The following FCAMR variants were observed in gnomAD, a reference collection of about 807,000 sequenced individuals.
FCAMR encodes Fc alpha and mu receptor.
Under a neutral mutation model 52.2 loss-of-function variants are expected in FCAMR, and 51 were observed. That is an observed-to-expected ratio of 0.98 (90% confidence interval 0.78 to 1.23). The LOEUF is 1.23. Ranked by LOEUF, FCAMR falls within the 50% of genes most tolerant of loss-of-function variation. The probability of loss-of-function intolerance (pLI) is 0.00; values close to 1 mark genes in which losing one functional copy is unlikely to be tolerated. For synonymous variants in FCAMR, 282 were observed against 262.0 expected, an observed-to-expected ratio of 1.08 and a Z score of -0.74; for missense variants, 719 against 712.6, an observed-to-expected ratio of 1.01 and a Z score of -0.10.
In FCAMR at chr1:206,960,585, G is replaced by A. The variant is rs1484589354; in HGVS notation, c.1291C>T (p.Pro431Ser). Residue 431 changes from proline to serine, a missense_variant, in exon 6 of 8, where the codon CCA becomes TCA. Physicochemically the swap from Pro to Ser is moderately conservative, Grantham distance 74. Transcript: ENST00000324852. ...PAADVWILGT[P>S]AADVWTSMEA... is the part of the protein sequence containing the mutation. ...ATGCTGGTCCACACATCTGCAGCTG[G>A]AGTTCCCAAGATCCACACATCTGCA... is the stretch of plus-strand genomic sequence containing the variant. The A allele has an allele frequency of 1.3e-6, 2 of 1,550,666 alleles. 1 individual carries two copies. Among genetic ancestry groups the A allele is most frequent in the East Asian group, 4.9e-5 (2 of 40,854 alleles).
intron 1 of FCAMR, 114 bp from the exon 2 acceptor site, chr1:206,967,765 G>A (rs372661577): frequency 3.3e-6 from 3 of 896,002 alleles, no homozygotes; most frequent in Admixed American, 2.0e-5. Flanking sequence ...GTAGCTCTCT[G>A]CACTAGGGTG....
At chr1:206,967,016 TG>T (rs1680741294) in intron 3 of FCAMR, 35 bp downstream of exon 3, 1 of 1,610,372 alleles carries the variant, frequency 6.2e-7, no homozygotes, top group Non-Finnish European at 8.5e-7. Context: ...GGTCTGGTTT[TG>T]TAAGCCCTGA....
intron 1 of FCAMR, among the ~76,000 whole-genome samples, chr1:206,968,251 A>G (rs1477937886): frequency 6.6e-6 from 1 of 152,190 alleles, no homozygotes. Flanking sequence ...AGGCAGTAGA[A>G]TTGCTTGAAC....
At position 206,959,709 on chromosome 1, in the gene FCAMR, A is replaced by G. The variant is rs778058730; in HGVS notation, c.1543T>C (p.Leu515=). 6.2e-7 allele frequency: 1 copy of G among 1,614,056 alleles called. No homozygotes were observed. Among genetic ancestry groups the G allele is most frequent in the South Asian group, 1.1e-5 (1 of 91,084 alleles). ...ALFMLMALVL[L]QRKLWRRRTS... ...CTCCTTCTCCAGAGCTTCCTTTGCA[A>G]TAGAACCAGAGCCATAAGCATAAAC... The change falls in exon 7 of 8, where the codon TTG becomes CTG. Residue 515 remains leucine (L), a synonymous_variant. Transcript: ENST00000324852.
At chr1:206,966,910 T>G in intron 3 of FCAMR, 142 bp downstream of exon 3, 1 of 714,626 alleles carries the variant, frequency 1.4e-6, no homozygotes, top group Non-Finnish European at 2.4e-6. Flanking sequence ...TACTACAGCA[T>G]GGAGATGGAG....
Position 206,958,475 on chromosome 1 carries a change from T to C in FCAMR, c.*41A>G. 6.4e-7 allele frequency: 1 copy of C among 1,568,892 alleles called. No homozygotes were observed. The highest frequency in any genetic ancestry group is 8.6e-7 in the Non-Finnish European group (1 of 1,156,308). On this transcript the variant is annotated 3_prime_UTR_variant, in exon 8 of 8. Coordinates refer to ENST00000324852, the MANE Select transcript of FCAMR (RefSeq NM_001170631.2). ...GGGTCCTGAAGGCCTTTGATCTTGG[T>C]CCTTCTCCCATGGTAACTGAGCAGT... is the stretch of plus-strand genomic sequence containing the variant.
intron 6 of FCAMR, chr1:206,960,030 G>A (rs1259401677): frequency 5.8e-6 from 3 of 512,842 alleles, no homozygotes; most frequent in East Asian, 3.3e-5. Context: ...TGGGCCCTGC[G>A]ATGCCTCCCA....
intron 1 of FCAMR, among the ~76,000 whole-genome samples, chr1:206,969,736 C>A (rs937839566): frequency 2.0e-5 from 3 of 152,224 alleles, no homozygotes; most frequent in Non-Finnish European, 4.4e-5. Context: ...GGAGGGGCTG[C>A]AGCAGCCTCA....
intron 7 of FCAMR, 41 bp downstream of exon 7, chr1:206,959,638 A>G (rs1055374878): frequency 5.2e-6 from 8 of 1,539,290 alleles, no homozygotes; most frequent in Non-Finnish European, 7.2e-6. Context: ...TCAGGTGGGA[A>G]CCAGAACTCT....
At position 206,960,567 on chromosome 1, in the gene FCAMR, T is replaced by A; in HGVS notation, c.1309A>T (p.Thr437Ser). The A allele has an allele frequency of 6.4e-7, 1 of 1,551,724 alleles. No homozygotes were observed. Among genetic ancestry groups the A allele is most frequent in the South Asian group, 1.2e-5 (1 of 84,046 alleles). The change falls in exon 6 of 8, where the codon ACC becomes TCC. Residue 437 changes from threonine (T) to serine (S), a missense_variant. Transcript: ENST00000324852. The part of the protein sequence containing the change: ...ILGTPAADVW[T>S]SMEAASGEGS... ...TCCCCAGATGCTGCCTCCATGCTGGTCCACACATCTGCAGCTGGAGTTCCC... is the reference window on the plus strand; with the variant it reads ...TCCCCAGATGCTGCCTCCATGCTGGACCACACATCTGCAGCTGGAGTTCCC...
At position 206,965,847 on chromosome 1, in the gene FCAMR, C is replaced by T. The variant is rs747848205; in HGVS notation, c.181G>A (p.Ala61Thr). 2.5e-5 allele frequency: 40 copies of T among 1,605,700 alleles called. No individual in the cohort carries two copies. Among genetic ancestry groups the T allele is most frequent in the African/African-American group, 4.0e-5 (3 of 74,136 alleles). Reference protein sequence around the residue: ...ILCLLQGSSFALPQKRPHPRW... With the variant: ...ILCLLQGSSFTLPQKRPHPRW... Reference sequence around the variant, plus strand: ...GGATGGGGTCTTTTTTGTGGAAGGGCGAAAGAAGAACCTGCAGCAAAGGAA... The same window carrying T: ...GGATGGGGTCTTTTTTGTGGAAGGGTGAAAGAAGAACCTGCAGCAAAGGAA... Residue 61 changes from alanine to threonine, a missense_variant, in exon 4 of 8, where the codon GCC becomes ACC. Coordinates refer to ENST00000324852, the MANE Select transcript of FCAMR (RefSeq NM_001170631.2).
chr1:206,958,773 A>T (rs959492105), intron 7 of FCAMR, 97 bp from the exon 8 acceptor site: 3 of 1,532,898 alleles, frequency 2.0e-6, no homozygotes, highest in African/African-American at 2.7e-5. Context: ...AGTTTTCAAG[A>T]ACTTTCTGAC....
At chr1:206,967,001 A>G in intron 3 of FCAMR, 51 bp downstream of exon 3, 1 of 1,590,672 alleles carries the variant, frequency 6.3e-7, no homozygotes. Context: ...AGCCTGGAAG[A>G]CTCAGGTCTG....
At chr1:206,966,814 T>C (rs1386752373) in intron 3 of FCAMR, among the ~76,000 whole-genome samples, 1 of 152,220 alleles carries the variant, frequency 6.6e-6, no homozygotes, top group East Asian at 1.9e-4. Context: ...AAGCATCTAC[T>C]TGGGACTAGA....
At chr1:206,967,182 C>A in intron 2 of FCAMR, 70 bp from the exon 3 acceptor site, 1 of 1,499,912 alleles carries the variant, frequency 6.7e-7, no homozygotes, top group Non-Finnish European at 9.2e-7. Context: ...CTTGAGAGAA[C>A]AAGCATCTTC....
rs183689490 is a variant in FCAMR at position 206,962,153 on chromosome 1, C to T, written c.652+60G>A. 3.3e-4 allele frequency: 510 copies of T among 1,540,090 alleles called. 7 individuals are homozygous for T. In the East Asian group the frequency reaches 5.0e-3, roughly 15 times the overall value. ...TTCTGGGTCTCTGAGGCTTCTCTCC[C>T]ACTTTCTCCTTCCTAGAACGTGCTT... On this transcript the variant is annotated intron_variant, in intron 5 of 7. Coordinates refer to ENST00000324852, the MANE Select transcript of FCAMR (RefSeq NM_001170631.2).
Position 206,958,894 on chromosome 1 carries a change from A to G in FCAMR, c.1574-218T>C, listed in dbSNP as rs189340574. The G allele has an allele frequency of 2.8e-5, 19 of 678,610 alleles. No homozygotes were observed. The East Asian group carries it at 4.3e-4, about 16-fold the overall frequency. 42.0% of individuals were successfully genotyped at this position (678,610 alleles called of 1,614,324 possible). A position where few individuals can be genotyped will look rare whatever the true frequency, so the allele number is the denominator to read the frequency against. On this transcript the variant is annotated intron_variant, in intron 7 of 7. Coordinates refer to ENST00000324852, the MANE Select transcript of FCAMR (RefSeq NM_001170631.2). ...CTTAGCCTCCTCCACTTGCTGCCAG[A>G]AAATCTCACCCTTTCTTCACTAGGT...
intron 1 of FCAMR, 148 bp downstream of exon 1, chr1:206,969,938 TG>T: frequency 2.4e-6 from 2 of 826,366 alleles, no homozygotes; most frequent in Non-Finnish European, 3.9e-6. Context: ...CCCTATGTTC[TG>T]GACTCTAGAA....
Position 206,959,791 on chromosome 1 carries a change from A to G in FCAMR, c.1461T>C (p.Phe487=). 2.5e-6 allele frequency: 4 copies of G among 1,613,512 alleles called. No individual in the cohort carries two copies. The highest frequency in any genetic ancestry group is 3.4e-6 in the Non-Finnish European group (4 of 1,179,442). ...PGKESSVKRT[F]PEDESSSRTL... ...TCCGAGAGCTGCTTTCATCTTCTGG[A>G]AAAGTACTACAGTGGGGGTGGAAAG... Residue 487 remains phenylalanine, a synonymous_variant, in exon 7 of 8, where the codon TTT becomes TTC. Coordinates refer to ENST00000324852, the MANE Select transcript of FCAMR (RefSeq NM_001170631.2).
Sources: allele counts gnomAD v4.1 joint callset (sites outside exome capture counted in the v4.1 genomes callset), GRCh38; gene constraint gnomAD v4.1.1; transcripts MANE v1.5; gene names NCBI Gene and HGNC (gene_info 2026-07-23, HGNC 2026-07-21).